The following SH3PXD2A variants were observed in gnomAD, a reference collection of about 807,000 sequenced individuals.
The protein encoded by SH3PXD2A is SH3 and PX domains 2A.
A neutral mutation model predicts 115.2 loss-of-function variants in SH3PXD2A; 32 were observed. That is an observed-to-expected ratio of 0.28 (90% CI 0.21 to 0.37). The LOEUF (loss-of-function observed/expected upper bound fraction) is 0.37, where lower values mean the gene tolerates loss of function less well. Among genes scored for constraint, SH3PXD2A ranks in the 10% least tolerant of loss-of-function variants. The pLI is 1.00. For synonymous variants in SH3PXD2A, 610 were observed against 629.1 expected (o/e 0.97, Z 0.45); for missense variants, 1,328 against 1,498.7 (o/e 0.89, Z 1.88).
rs1257317325 is a variant in SH3PXD2A at position 103,602,781 on chromosome 10, C to G, written c.2437G>C (p.Glu813Gln). 1 of 1,614,142 alleles carries G rather than the reference C, an allele frequency of 6.2e-7. No homozygotes were observed. The highest frequency in any genetic ancestry group is 1.7e-5 in the Admixed American group (1 of 60,030). ...PPQTASEAPS[E>Q]GSRRSSSDLI... ...TCGGATGAGCTTCTCCTAGACCCCT[C>G]ACTGGGAGCCTCGGAGGCCGTCTGC... The change falls in exon 15 of 15, where the codon GAG (glutamate) becomes CAG (glutamine). Residue 813 changes from glutamate to glutamine, a missense_variant. Coordinates refer to ENST00000369774, the MANE Select transcript of SH3PXD2A (RefSeq NM_001394015.1).
At chr10:103,645,004 G>C (rs1327569710) in intron 8 of SH3PXD2A, among the ~76,000 whole-genome samples, 3 of 152,130 alleles carry the variant, frequency 2.0e-5, no homozygotes, top group African/African-American at 7.2e-5. Flanking sequence ...TGATGTCTTT[G>C]ATTCATTGCT....
intron 1 of SH3PXD2A, among the ~76,000 whole-genome samples, chr10:103,835,678 C>A (rs1220380294): frequency 6.6e-6 from 1 of 152,164 alleles, no homozygotes; most frequent in African/African-American, 2.4e-5. Context: ...CCCCCCAACC[C>A]CTCACCAAGT....
intron 11 of SH3PXD2A, among the ~76,000 whole-genome samples, chr10:103,614,310 T>A (rs1468489132): frequency 6.6e-6 from 1 of 152,024 alleles, no homozygotes; most frequent in African/African-American, 2.4e-5. Context: ...GAAAAACAAG[T>A]AAGACAGACA....
rs1224384209 is a variant in SH3PXD2A, at chr10:103,670,518, AG to A, written c.428-1867del. 2.6e-5 allele frequency among the ~76,000 whole-genome samples: 4 copies of A among 152,230 alleles called. No individual in the cohort carries two copies. In the East Asian group the frequency reaches 7.7e-4, roughly 29 times the overall value. Reference sequence around the variant, plus strand: ...GGTTCAATCAGCTCTGGGGACACCCAGAAAATCATGCCCCCGGCCTGCAAGG... The same window carrying A: ...GGTTCAATCAGCTCTGGGGACACCCAAAAATCATGCCCCCGGCCTGCAAGG... On this transcript the variant is annotated intron_variant, in intron 6 of 14. Transcript: ENST00000369774.
chr10:103,660,837 G>T (rs2037285085), intron 8 of SH3PXD2A, 146 bp downstream of exon 8: 1 of 860,574 alleles, frequency 1.2e-6, no homozygotes, highest in Non-Finnish European at 1.8e-6. Context: ...ACCAACAGGG[G>T]GAAACTTCAG....
chr10:103,661,231 A>AG, intron 7 of SH3PXD2A, 117 bp from the exon 8 acceptor site: 1 of 1,256,708 alleles, frequency 8.0e-7, no homozygotes, highest in Non-Finnish European at 1.1e-6. Context: ...CGCCGCTCCC[A>AG]GGGGCAGCCC....
intron 7 of SH3PXD2A, chr10:103,662,100 G>A: frequency 1.2e-5 from 5 of 402,276 alleles, no homozygotes; most frequent in Non-Finnish European, 1.7e-5. Context: ...CTTGTGGTCA[G>A]GCCCCGGCAG....
intron 3 of SH3PXD2A, among the ~76,000 whole-genome samples, chr10:103,745,230 G>A (rs1346816580): frequency 6.6e-6 from 1 of 152,226 alleles, no homozygotes; most frequent in Non-Finnish European, 1.5e-5. Context: ...CAGCAAAGCT[G>A]AGGGCTTAAG....
Position 103,773,766 on chromosome 10 carries a change from C to T in SH3PXD2A, c.154-6597G>A, listed in dbSNP as rs370036495. Among the ~76,000 whole-genome samples, 20 of 151,946 alleles carry T rather than the reference C, an allele frequency of 1.3e-4. No individual in the cohort carries two copies. In the East Asian group the frequency reaches 2.7e-3, roughly 21 times the overall value. ...TTCTTTTCTTTCTTTGAGACAGGGT[C>T]GAGCTTTTGTTTCCTAGGCTGGAGT... On this transcript the variant is annotated intron_variant, in intron 2 of 14. Coordinates refer to ENST00000369774, the MANE Select transcript of SH3PXD2A (RefSeq NM_001394015.1).
At chr10:103,841,880 T>G (rs1461342911) in intron 1 of SH3PXD2A, among the ~76,000 whole-genome samples, 1 of 152,014 alleles carries the variant, frequency 6.6e-6, no homozygotes, top group Non-Finnish European at 1.5e-5. Context: ...ATCCCAGCAC[T>G]CTGGGAGGCC....
intron 10 of SH3PXD2A, among the ~76,000 whole-genome samples, chr10:103,619,908 G>A (rs73331494): frequency 0.012 from 1,865 of 152,300 alleles, 42 homozygotes; most frequent in African/African-American, 0.042. Flanking sequence ...TCCCTGGCAG[G>A]GCTAGGCAGG....
intron 8 of SH3PXD2A, among the ~76,000 whole-genome samples, chr10:103,633,901 T>C (rs917376623): frequency 3.9e-5 from 6 of 152,066 alleles, no homozygotes; most frequent in African/African-American, 1.4e-4. Context: ...GCAGCAGAGA[T>C]GTTGAGATGG....
At chr10:103,718,937 A>C (rs2038143274) in intron 5 of SH3PXD2A, among the ~76,000 whole-genome samples, 1 of 152,240 alleles carries the variant, frequency 6.6e-6, no homozygotes, top group Non-Finnish European at 1.5e-5. Context: ...TATGGTCATT[A>C]GCCTCATGAA....
chr10:103,704,693 T>C (rs2037960596), intron 5 of SH3PXD2A, among the ~76,000 whole-genome samples: 1 of 152,208 alleles, frequency 6.6e-6, no homozygotes, highest in African/African-American at 2.4e-5. Context: ...CAAGGGCCTG[T>C]GTGCCCAGGG....
intron 10 of SH3PXD2A, among the ~76,000 whole-genome samples, chr10:103,617,716 C>T (rs1346433987): frequency 1.3e-5 from 2 of 152,182 alleles, no homozygotes; most frequent in African/African-American, 4.8e-5. Flanking sequence ...GCCTTGAGGC[C>T]CCACGGCATA....
chr10:103,779,004 G>C (rs1203788138), intron 2 of SH3PXD2A, among the ~76,000 whole-genome samples: 1 of 152,202 alleles, frequency 6.6e-6, no homozygotes. Context: ...TCTGAGCCTG[G>C]CTCCTGGCAG....
At chr10:103,743,652 T>C (rs1292504632) in intron 3 of SH3PXD2A, among the ~76,000 whole-genome samples, 1 of 152,142 alleles carries the variant, frequency 6.6e-6, no homozygotes, top group Non-Finnish European at 1.5e-5. Context: ...AGTATAGGCC[T>C]GAGCCACTGC....
At chr10:103,633,069 C>T (rs1318920376) in intron 8 of SH3PXD2A, among the ~76,000 whole-genome samples, 6 of 152,184 alleles carry the variant, frequency 3.9e-5, no homozygotes, top group Admixed American at 2.0e-4. Flanking sequence ...AGCCACACAG[C>T]CCCACTCTGC....
chr10:103,805,033 G>A (rs2039187373), intron 1 of SH3PXD2A, among the ~76,000 whole-genome samples: 1 of 152,194 alleles, frequency 6.6e-6, no homozygotes, highest in African/African-American at 2.4e-5. Flanking sequence ...ATCCGCCCCT[G>A]GAGAGAGGGC....
Sources: gnomAD v4.1 joint callset for allele counts (sites outside exome capture counted in the v4.1 genomes callset) on GRCh38, gnomAD v4.1.1 for gene constraint, MANE v1.5 for transcripts, NCBI Gene and HGNC (gene_info 2026-07-23, HGNC 2026-07-21) for gene names.